Variants in TEX15 observed in about 807,000 individuals in gnomAD.
TEX15 encodes testis expressed 15, meiosis and synapsis associated.
Under a neutral mutation model 237.3 loss-of-function variants are expected in TEX15, and 171 were observed. The observed-to-expected ratio is 0.72, with a 90% CI of 0.64 to 0.82. TEX15 has a LOEUF of 0.82. Among genes scored for constraint, TEX15 ranks in the 40% least tolerant of loss-of-function variants. The pLI, the probability that TEX15 is intolerant of heterozygous loss-of-function variation, is 0.00. For missense variants in TEX15, 3,750 were observed against 3,646.5 expected (o/e 1.03, Z -0.73); for synonymous variants, 1,338 against 1,269.8 (o/e 1.05, Z -1.14).
chr8:30,869,911 AAAT>A (rs1808256047), intron 4 of TEX15, among the ~76,000 whole-genome samples: 1 of 151,768 alleles, frequency 6.6e-6, no homozygotes, highest in African/African-American at 2.4e-5. Context: ...ATCTGTGCTA[AAAT>A]AATATTTATA....
At chr8:30,838,657 G>C (rs1807365289) in intron 9 of TEX15, among the ~76,000 whole-genome samples, 1 of 150,118 alleles carries the variant, frequency 6.7e-6, no homozygotes, top group Non-Finnish European at 1.5e-5. Context: ...ATTGTCTAAA[G>C]CCAGACAGTT....
chr8:30,878,659 A>G (rs1436445879), intron 3 of TEX15, among the ~76,000 whole-genome samples: 2 of 151,970 alleles, frequency 1.3e-5, no homozygotes, highest in Non-Finnish European at 2.9e-5. Context: ...AGTGCTGGGA[A>G]TACATGCGTG....
chr8:30,874,999 C>T lies in TEX15; in HGVS notation c.240G>A (p.Trp80Ter). The T allele has an allele frequency of 7.2e-7, 1 of 1,389,924 alleles. No homozygotes were observed. 86.1% of individuals were successfully genotyped at this position (1,389,924 alleles called of 1,614,324 possible). ...LDVNCDLQSL[W>*]QFGDTKLVHN... The stretch of plus-strand genomic sequence containing the variant: ...GAACCAGTTTTGTATCCCCAAACTG[C>T]CATAACGACTGCAGATCACAGTTTA... The change falls in exon 4 of 11, where the codon TGG becomes TGA. Residue 80 changes from tryptophan to a stop codon, truncating the protein, a stop_gained. Transcript: ENST00000643185. LOFTEE classifies it high-confidence loss of function.
chr8:30,866,893 A>C (rs549027554), intron 5 of TEX15, among the ~76,000 whole-genome samples: 1 of 152,238 alleles, frequency 6.6e-6, no homozygotes, highest in Non-Finnish European at 1.5e-5. Context: ...AGGAGTTTAA[A>C]AATAACTAGC....
intron 1 of TEX15, among the ~76,000 whole-genome samples, chr8:30,910,206 A>T (rs1440757294): frequency 6.6e-6 from 1 of 152,102 alleles, no homozygotes; most frequent in Non-Finnish European, 1.5e-5. Context: ...GCTCAAGTAC[A>T]CTAGTAGGTG....
intron 3 of TEX15, among the ~76,000 whole-genome samples, chr8:30,880,232 T>C (rs531471376): frequency 1.9e-5 from 2 of 107,958 alleles, no homozygotes; most frequent in East Asian, 2.0e-4. Flanking sequence ...GGTTTCGCCA[T>C]GTGGCCAGGC....
chr8:30,900,820 G>A (rs1159950593), intron 1 of TEX15, among the ~76,000 whole-genome samples: 1 of 152,232 alleles, frequency 6.6e-6, no homozygotes, highest in African/African-American at 2.4e-5. Flanking sequence ...AGAAGGTACT[G>A]ATTTGGTAAA....
At position 30,848,355 on chromosome 8, in the gene TEX15, T is replaced by G; in HGVS notation, c.1812A>C (p.Pro604=). Residue 604 remains proline (P), a synonymous_variant, in exon 8 of 11, where the codon CCA becomes CCC. Transcript: ENST00000643185. The stretch of plus-strand genomic sequence containing the variant: ...CATCAATGCTTACTTTCTTTTTGAG[T>G]GGAAAAACTGTAGACGTTTGGCAAC... ...QTGCQTSTVF[P]LKKKVSIDEY... is the part of the protein sequence containing the mutation. 1 of 1,614,106 alleles carries G rather than the reference T, an allele frequency of 6.2e-7. No homozygotes were observed. Among genetic ancestry groups the G allele is most frequent in the Non-Finnish European group, 8.5e-7 (1 of 1,179,996 alleles).
rs762491640 is a variant in TEX15, at chr8:30,845,440, G to C, written c.4727C>G (p.Thr1576Arg). ...KLIEKENQID[T>R]AFLSSTSKYE... ...TTTACTAGTGCTAGATAAAAATGCT[G>C]TATCAATTTGATTTTCTTTTTCTAT... is the stretch of plus-strand genomic sequence containing the variant. The change falls in exon 8 of 11, where the codon ACA becomes AGA. Residue 1576 changes from threonine (T) to arginine (R), a missense_variant. Thr to Arg is a moderately conservative substitution (Grantham distance 71, BLOSUM62 -1). Coordinates refer to ENST00000643185, the MANE Select transcript of TEX15 (RefSeq NM_001350162.2). The C allele has an allele frequency of 5.0e-6, 8 of 1,612,384 alleles. No homozygotes were observed. Among genetic ancestry groups the C allele is most frequent in the Middle Eastern group, 1.6e-4 (1 of 6,080 alleles).
intron 5 of TEX15, among the ~76,000 whole-genome samples, chr8:30,860,510 C>G (rs1372778688): frequency 6.6e-6 from 1 of 151,814 alleles, no homozygotes; most frequent in African/African-American, 2.4e-5. Context: ...CAATTCTCCC[C>G]CAAATTAAAC....
At chr8:30,902,226 T>C (rs79064695) in intron 1 of TEX15, among the ~76,000 whole-genome samples, 3 of 138,682 alleles carry the variant, frequency 2.2e-5, no homozygotes, top group Admixed American at 7.0e-5. Context: ...TTTTCCTCCT[T>C]TTTTTTTTTT....
intron 9 of TEX15, among the ~76,000 whole-genome samples, chr8:30,838,821 T>G (rs1256015149): frequency 1.2e-5 from 1 of 86,840 alleles, no homozygotes; most frequent in Non-Finnish European, 2.5e-5. Flanking sequence ...TATATATATA[T>G]GAATTTTTTT....
intron 3 of TEX15, among the ~76,000 whole-genome samples, chr8:30,885,355 A>C (rs941793683): frequency 5.9e-5 from 9 of 152,038 alleles, no homozygotes; most frequent in Non-Finnish European, 1.2e-4. Context: ...ATGAGATCTG[A>C]TGGTTTTAAA....
intron 1 of TEX15, among the ~76,000 whole-genome samples, chr8:30,901,608 A>C (rs1193827392): frequency 3.3e-5 from 5 of 152,250 alleles, no homozygotes; most frequent in African/African-American, 1.2e-4. Context: ...ATATCAACTT[A>C]AGCAACGTAT....
chr8:30,912,762 G>A (rs1395648507), intron 1 of TEX15, 117 bp downstream of exon 1: 1 of 152,216 alleles, frequency 6.6e-6, no homozygotes, highest in Non-Finnish European at 1.5e-5. Flanking sequence ...CTCCGAGCCA[G>A]AAGAGTAGCG....
rs1426992903 is a variant in TEX15, at chr8:30,844,281, A to G, written c.5886T>C (p.Pro1962=). 6.2e-7 allele frequency: 1 copy of G among 1,613,414 alleles called. No individual in the cohort carries two copies. Among genetic ancestry groups the G allele is most frequent in the South Asian group, 1.1e-5 (1 of 90,996 alleles). ...GGACTTTACAGGTTTCAGAGTGGGC[A>G]GGTAAAATAGGCGTATGATTAACTC... ...ILGVNHTPIL[P]AHSETCKVPT... Residue 1962 remains proline (P), a synonymous_variant, in exon 8 of 11, where the codon CCT becomes CCC. Transcript: ENST00000643185.
rs377203489 is a variant in TEX15 at position 30,848,923 on chromosome 8, G to A, written c.1244C>T (p.Pro415Leu). ...NILSGLNASF[P>L]LHNNTGSSTV... ...GCTTGAGCCAGTATTGTTGTGAAGA[G>A]GAAAAGAAGCATTAAGACCACTTAA... The change falls in exon 8 of 11, where the codon CCT becomes CTT. Residue 415 changes from proline to leucine, a missense_variant. Pro to Leu is a moderately conservative substitution (Grantham distance 98). Transcript: ENST00000643185. 1.2e-6 allele frequency: 2 copies of A among 1,614,094 alleles called. No homozygotes were observed. The highest frequency in any genetic ancestry group is 1.1e-5 in the South Asian group (1 of 91,072).
rs1406967063 is a variant in TEX15, at chr8:30,843,610, C to G, written c.6557G>C (p.Cys2186Ser). 1 of 1,612,838 alleles carries G rather than the reference C, an allele frequency of 6.2e-7. No homozygotes were observed. Among genetic ancestry groups the G allele is most frequent in the Non-Finnish European group, 8.5e-7 (1 of 1,179,710 alleles). ...TGGAACAGAAAGAGAAAAATCAAAG[C>G]AATCGGAACAATGCTCCATTATGGC... ...CEAIMEHCSD[C>S]FDFSLSVPFT... The change falls in exon 8 of 11, where the codon TGC becomes TCC. Residue 2186 changes from cysteine (C) to serine (S), a missense_variant. Coordinates refer to ENST00000643185, the MANE Select transcript of TEX15 (RefSeq NM_001350162.2).
chr8:30,894,908 G>A (rs73228651), intron 2 of TEX15, among the ~76,000 whole-genome samples: 2,544 of 152,240 alleles, frequency 0.017, 31 homozygotes, highest in Middle Eastern at 0.051. Context: ...ACCATGTGAA[G>A]ATGCAGCGAA....
Sources: allele counts gnomAD v4.1 joint callset (sites outside exome capture counted in the v4.1 genomes callset), GRCh38; gene constraint gnomAD v4.1.1; transcripts MANE v1.5; gene names NCBI Gene and HGNC (gene_info 2026-07-23, HGNC 2026-07-21).